Variants in STXBP6 observed in about 807,000 individuals in gnomAD.
STXBP6 encodes the protein syntaxin-binding protein 6.
In STXBP6, 21 loss-of-function variants were observed where a neutral mutation model predicts 26.9. The ratio of observed to expected loss-of-function variants is 0.78; its 90% CI spans 0.55 to 1.12. The LOEUF (loss-of-function observed/expected upper bound fraction) is 1.12, where lower values mean the gene tolerates loss of function less well. STXBP6 is among the 50% of genes most tolerant of loss of function. The pLI, the probability that STXBP6 is intolerant of heterozygous loss-of-function variation, is 0.00. For missense variants in STXBP6, 232 were observed against 257.9 expected, an observed-to-expected ratio of 0.90 and a Z score of 0.69; for synonymous variants, 97 against 92.6, an observed-to-expected ratio of 1.05 and a Z score of -0.27.
intron 2 of STXBP6, among the ~76,000 whole-genome samples, chr14:24,863,551 G>A (rs932949264): frequency 2.6e-5 from 4 of 152,110 alleles, no homozygotes; most frequent in African/African-American, 9.7e-5. Flanking sequence ...AAAGAAAATG[G>A]TAATAACCAA....
intron 2 of STXBP6, among the ~76,000 whole-genome samples, chr14:24,874,306 G>T (rs554028525): frequency 1.1e-4 from 16 of 152,200 alleles, no homozygotes; most frequent in South Asian, 1.0e-3. Context: ...CTGATGTCCA[G>T]TGCTTATGCC....
intron 2 of STXBP6, among the ~76,000 whole-genome samples, chr14:24,919,446 A>G (rs1397592038): frequency 6.6e-6 from 1 of 152,036 alleles, no homozygotes; most frequent in Non-Finnish European, 1.5e-5. Context: ...AAAATAAAAA[A>G]AAAACAAATT....
chr14:24,885,550 A>G (rs1241635), intron 2 of STXBP6, among the ~76,000 whole-genome samples: 81,855 of 152,056 alleles, frequency 0.54, 23,057 homozygotes, highest in African/African-American at 0.7. Context: ...AAGAGCAAAC[A>G]TGACCCAAAT....
At chr14:24,968,038 C>A (rs1396296362) in intron 2 of STXBP6, among the ~76,000 whole-genome samples, 2 of 151,898 alleles carry the variant, frequency 1.3e-5, no homozygotes, top group Admixed American at 1.3e-4. Context: ...ACATACCACC[C>A]AATAAATAGG....
chr14:24,999,386 T>C (rs765097102), intron 1 of STXBP6, among the ~76,000 whole-genome samples: 7 of 151,940 alleles, frequency 4.6e-5, no homozygotes, highest in African/African-American at 7.3e-5. Flanking sequence ...AAGCATGGAG[T>C]GCGATCTTCA....
At chr14:24,813,954 C>T (rs1274263532) in intron 5 of STXBP6, among the ~76,000 whole-genome samples, 1 of 152,286 alleles carries the variant, frequency 6.6e-6, no homozygotes, top group Non-Finnish European at 1.5e-5. Context: ...ATAGAGGGAC[C>T]TTTGGACCAG....
At chr14:24,815,355 A>G (rs1429870941) in intron 5 of STXBP6, among the ~76,000 whole-genome samples, 1 of 152,102 alleles carries the variant, frequency 6.6e-6, no homozygotes, top group East Asian at 1.9e-4. Context: ...AACCTACTCA[A>G]CCTAAAAAAT....
intron 5 of STXBP6, among the ~76,000 whole-genome samples, chr14:24,814,696 T>C (rs991747688): frequency 6.6e-6 from 1 of 152,226 alleles, no homozygotes; most frequent in African/African-American, 2.4e-5. Context: ...AGAATTCTTA[T>C]GTTGAAACCT....
At chr14:24,915,409 C>T (rs1318563471) in intron 2 of STXBP6, among the ~76,000 whole-genome samples, 1 of 152,028 alleles carries the variant, frequency 6.6e-6, no homozygotes, top group Non-Finnish European at 1.5e-5. Flanking sequence ...TTACTATTAC[C>T]ATTGGCATTA....
At chr14:24,846,839 C>G (rs1374102394) in intron 4 of STXBP6, among the ~76,000 whole-genome samples, 1 of 152,100 alleles carries the variant, frequency 6.6e-6, no homozygotes, top group African/African-American at 2.4e-5. Context: ...TCTTATTATT[C>G]AACCTTACTT....
intron 4 of STXBP6, among the ~76,000 whole-genome samples, chr14:24,850,813 G>C (rs2069125982): frequency 6.6e-6 from 1 of 152,150 alleles, no homozygotes; most frequent in African/African-American, 2.4e-5. Context: ...AGGTGAAATA[G>C]TTAAGAGAGA....
chr14:24,942,142 C>A (rs1322236361), intron 2 of STXBP6, among the ~76,000 whole-genome samples: 1 of 152,102 alleles, frequency 6.6e-6, no homozygotes, highest in Non-Finnish European at 1.5e-5. Context: ...TGACAAAATT[C>A]CTGAAAGAAA....
At chr14:24,829,811 C>T (rs1021223351) in intron 4 of STXBP6, among the ~76,000 whole-genome samples, 5 of 151,854 alleles carry the variant, frequency 3.3e-5, no homozygotes, top group Non-Finnish European at 5.9e-5. Context: ...AAGGGGCCTA[C>T]GGTCTAGAAA....
intron 1 of STXBP6, among the ~76,000 whole-genome samples, chr14:25,030,034 T>C (rs2075423164): frequency 6.6e-6 from 1 of 152,190 alleles, no homozygotes; most frequent in Non-Finnish European, 1.5e-5. Flanking sequence ...TAATAGAACA[T>C]ATCTCATAAG....
At chr14:24,825,392 T>C (rs760025338) in intron 4 of STXBP6, among the ~76,000 whole-genome samples, 11 of 152,336 alleles carry the variant, frequency 7.2e-5, no homozygotes, top group Non-Finnish European at 1.0e-4. Flanking sequence ...TTCAGAATTA[T>C]CTTTTGTCTC....
At chr14:24,963,375 C>T (rs1056068411) in intron 2 of STXBP6, among the ~76,000 whole-genome samples, 1 of 152,166 alleles carries the variant, frequency 6.6e-6, no homozygotes, top group South Asian at 2.1e-4. Context: ...AAGCCATTTG[C>T]CGAGACCCTA....
chr14:24,882,235 C>T (rs1008014815), intron 2 of STXBP6, among the ~76,000 whole-genome samples: 3 of 149,732 alleles, frequency 2.0e-5, no homozygotes, highest in East Asian at 2.0e-4. Flanking sequence ...AAAAATTAGC[C>T]GGGCGTAGTG....
chr14:24,999,086 A>G (rs1388182107), intron 1 of STXBP6, among the ~76,000 whole-genome samples: 3 of 152,220 alleles, frequency 2.0e-5, no homozygotes, highest in Admixed American at 6.5e-5. Context: ...AACCAACTGT[A>G]AGTTAAAAAT....
At position 24,812,612 on chromosome 14, in the gene STXBP6, GA is replaced by G; in HGVS notation, c.*96del. 23 of 1,238,692 alleles carry G rather than the reference GA, an allele frequency of 1.9e-5. No individual in the cohort carries two copies. Among genetic ancestry groups the G allele is most frequent in the Admixed American group, 3.6e-5 (2 of 55,082 alleles). The allele number at this position is 1,238,692 out of a possible 1,614,324, so 76.7% of individuals were successfully genotyped here. On this transcript the variant is annotated 3_prime_UTR_variant, in exon 6 of 6. Transcript: ENST00000323944. ...AACCACTCTAAGTGTCCAAATATTG[GA>G]AAAAAAGAAGCAAGCGGAGGTCCCG...
Sources: gnomAD v4.1 joint callset for allele counts (sites outside exome capture counted in the v4.1 genomes callset) on GRCh38, gnomAD v4.1.1 for gene constraint, MANE v1.5 for transcripts, NCBI Gene and HGNC (gene_info 2026-07-23, HGNC 2026-07-21) for gene names.